The following DCLK1 variants were observed in gnomAD, a reference collection of about 807,000 sequenced individuals.
DCLK1 encodes serine/threonine-protein kinase DCLK1.
Under a neutral mutation model 86.2 loss-of-function variants are expected in DCLK1, and 16 were observed. That is an observed-to-expected ratio of 0.19 (90% CI 0.13 to 0.28). DCLK1 has a LOEUF of 0.28. Among genes scored for constraint, DCLK1 ranks in the 10% least tolerant of loss-of-function variants. The pLI, the probability that DCLK1 is intolerant of heterozygous loss-of-function variation, is 1.00. For missense variants in DCLK1, 590 were observed against 940.2 expected (o/e 0.63, Z 4.87); for synonymous variants, 369 against 370.5 (o/e 1.00, Z 0.05).
At chr13:35,825,142 G>C (rs1316265742) in intron 10 of DCLK1, among the ~76,000 whole-genome samples, 1 of 152,194 alleles carries the variant, frequency 6.6e-6, no homozygotes, top group Non-Finnish European at 1.5e-5. Context: ...CGGAACATGA[G>C]CCTTGTTTGT....
At chr13:35,871,651 T>C (rs1435070723) in intron 4 of DCLK1, among the ~76,000 whole-genome samples, 1 of 150,020 alleles carries the variant, frequency 6.7e-6, no homozygotes, top group East Asian at 1.9e-4. Flanking sequence ...CTCTACTCAC[T>C]CCTTGAGTTA....
chr13:35,920,153 T>C (rs1875711842), intron 4 of DCLK1, among the ~76,000 whole-genome samples: 1 of 152,224 alleles, frequency 6.6e-6, no homozygotes, highest in African/African-American at 2.4e-5. Context: ...GATATAAATG[T>C]ATATGGACAT....
intron 3 of DCLK1, among the ~76,000 whole-genome samples, chr13:35,991,600 G>T (rs141847150): frequency 0.013 from 2,009 of 152,252 alleles, 45 homozygotes; most frequent in African/African-American, 0.045. Context: ...AGAGGTCGAG[G>T]CTGCAGTGAG....
rs149056141 is a variant in DCLK1, at chr13:36,044,458, T to C, written c.723+67411A>G. Among the ~76,000 whole-genome samples, 13 of 152,304 alleles carry C rather than the reference T, an allele frequency of 8.5e-5. No individual in the cohort carries two copies. The East Asian group carries it at 2.3e-3, about 27-fold the overall frequency. The stretch of plus-strand genomic sequence containing the variant: ...ACCCTACCTAATGCATAGGGGAATG[T>C]AGGCTTCCAAAAGAATTTTCTGAAG... On this transcript the variant is annotated intron_variant, in intron 3 of 16. Coordinates refer to ENST00000360631, the MANE Select transcript of DCLK1 (RefSeq NM_001330071.2).
chr13:35,970,837 T>G (rs776811287), intron 3 of DCLK1, among the ~76,000 whole-genome samples: 3 of 152,182 alleles, frequency 2.0e-5, no homozygotes, highest in Non-Finnish European at 4.4e-5. Flanking sequence ...TGGGGAGAAT[T>G]GGTGAGGTCA....
chr13:35,933,673 G>C (rs1876585488), intron 4 of DCLK1, among the ~76,000 whole-genome samples: 1 of 152,166 alleles, frequency 6.6e-6, no homozygotes, highest in Non-Finnish European at 1.5e-5. Context: ...CTGGGACACA[G>C]GGCACCAAGT....
At chr13:36,129,187 C>A (rs990530948) in intron 1 of DCLK1, among the ~76,000 whole-genome samples, 1 of 152,118 alleles carries the variant, frequency 6.6e-6, no homozygotes, top group Admixed American at 6.5e-5. Flanking sequence ...AGAAAGAGTG[C>A]ACATCGAATT....
chr13:36,008,018 T>TA (rs1226810202), intron 3 of DCLK1, among the ~76,000 whole-genome samples: 2 of 151,866 alleles, frequency 1.3e-5, no homozygotes, highest in African/African-American at 4.8e-5. Flanking sequence ...TCCACATATA[T>TA]ATTTAGGTTT....
chr13:36,094,690 C>T (rs1884943151), intron 3 of DCLK1, among the ~76,000 whole-genome samples: 1 of 152,206 alleles, frequency 6.6e-6, no homozygotes, highest in African/African-American at 2.4e-5. Flanking sequence ...CCAGAGCTAT[C>T]AGCCGGGAAG....
chr13:35,971,792 G>T (rs1056165055), intron 3 of DCLK1, among the ~76,000 whole-genome samples: 3 of 151,700 alleles, frequency 2.0e-5, no homozygotes, highest in Admixed American at 2.0e-4. Flanking sequence ...CCATAGTAAA[G>T]GCACTCTCCC....
At chr13:35,843,541 A>G (rs1869970180) in intron 6 of DCLK1, among the ~76,000 whole-genome samples, 1 of 152,222 alleles carries the variant, frequency 6.6e-6, no homozygotes, top group Admixed American at 6.5e-5. Context: ...GTAGTGGAAA[A>G]GAGTTCACTT....
At chr13:35,878,678 G>A (rs1872717725) in intron 4 of DCLK1, among the ~76,000 whole-genome samples, 1 of 152,136 alleles carries the variant, frequency 6.6e-6, no homozygotes, top group South Asian at 2.1e-4. Context: ...ATAAATGTTT[G>A]AGGTGATGGA....
intron 4 of DCLK1, among the ~76,000 whole-genome samples, chr13:35,911,742 A>C (rs2153124865): frequency 6.6e-6 from 1 of 152,278 alleles, no homozygotes; most frequent in Admixed American, 6.5e-5. Flanking sequence ...CCAGACAGTA[A>C]ATGGTTTAGG....
chr13:36,115,603 T>C (rs1885756785), intron 2 of DCLK1, among the ~76,000 whole-genome samples: 1 of 152,200 alleles, frequency 6.6e-6, no homozygotes, highest in African/African-American at 2.4e-5. Context: ...TGAAATGTAA[T>C]ACTCTGGGTG....
chr13:36,110,670 C>T (rs912927540), intron 3 of DCLK1, among the ~76,000 whole-genome samples: 2 of 151,940 alleles, frequency 1.3e-5, no homozygotes, highest in Non-Finnish European at 2.9e-5. Context: ...ATTTACTATA[C>T]ATACAAATCA....
chr13:35,846,320 A>C, intron 6 of DCLK1: 3 of 985,332 alleles, frequency 3.0e-6, no homozygotes, highest in Non-Finnish European at 3.6e-6. Context: ...CTTACTGATG[A>C]GTATCAACTC....
chr13:36,085,540 T>G (rs2138122462), intron 3 of DCLK1, among the ~76,000 whole-genome samples: 1 of 152,328 alleles, frequency 6.6e-6, no homozygotes, highest in Non-Finnish European at 1.5e-5. Context: ...TAACTAGCTT[T>G]AAAGCTTCAA....
intron 4 of DCLK1, among the ~76,000 whole-genome samples, chr13:35,919,951 G>A (rs1303353528): frequency 6.6e-6 from 1 of 151,908 alleles, no homozygotes; most frequent in Admixed American, 6.6e-5. Flanking sequence ...CATGTAAAGT[G>A]CTTACGACAC....
intron 3 of DCLK1, among the ~76,000 whole-genome samples, chr13:36,006,715 G>A (rs1880979266): frequency 1.3e-5 from 2 of 152,160 alleles, no homozygotes; most frequent in Non-Finnish European, 1.5e-5. Context: ...ATTTGGGGTG[G>A]CCTAGATCCA....
Sources: allele counts gnomAD v4.1 joint callset (sites outside exome capture counted in the v4.1 genomes callset), GRCh38; gene constraint gnomAD v4.1.1; transcripts MANE v1.5; gene names NCBI Gene and HGNC (gene_info 2026-07-23, HGNC 2026-07-21).